TMEM196: variants seen among roughly 807,000 people sequenced by gnomAD.
TMEM196 encodes the protein transmembrane protein 196.
A neutral mutation model predicts 20.0 loss-of-function variants in TMEM196; 17 were observed. The ratio of observed to expected loss-of-function variants is 0.85; its 90% confidence interval spans 0.58 to 1.27. TMEM196 has a LOEUF of 1.27. Among genes scored for constraint, TMEM196 ranks in the 50% most tolerant of loss-of-function variants. TMEM196 has a pLI of 0.00. For synonymous variants in TMEM196, 113 were observed against 88.9 expected (o/e 1.27, Z -1.52); for missense variants, 267 against 223.0 (o/e 1.20, Z -1.26).
chr7:19,770,084 T>A (rs1785806529), intron 1 of TMEM196, among the ~76,000 whole-genome samples: 1 of 152,348 alleles, frequency 6.6e-6, no homozygotes, highest in South Asian at 2.1e-4. Flanking sequence ...TAGTTAACAC[T>A]GCAGTACATT....
intron 1 of TMEM196, among the ~76,000 whole-genome samples, chr7:19,745,325 G>C (rs185157984): frequency 2.0e-5 from 3 of 152,098 alleles, no homozygotes; most frequent in Non-Finnish European, 1.5e-5. Flanking sequence ...ACTATTCTTG[G>C]TTTCACATTA....
At chr7:19,766,437 T>C (rs2128039960) in intron 1 of TMEM196, among the ~76,000 whole-genome samples, 1 of 152,060 alleles carries the variant, frequency 6.6e-6, no homozygotes. Context: ...AAGACAAATT[T>C]AAATATTTAG....
chr7:19,757,389 C>T (rs1785264546), intron 1 of TMEM196, among the ~76,000 whole-genome samples: 1 of 139,594 alleles, frequency 7.2e-6, no homozygotes, highest in African/African-American at 2.8e-5. Context: ...GGGGTTTCAC[C>T]AGTTGAGATG....
intron 1 of TMEM196, among the ~76,000 whole-genome samples, chr7:19,758,136 C>T (rs529490408): frequency 5.9e-5 from 9 of 152,136 alleles, no homozygotes; most frequent in African/African-American, 1.7e-4. Context: ...GATAAATGAG[C>T]TTTGGACTCT....
intron 4 of TMEM196, among the ~76,000 whole-genome samples, chr7:19,723,779 A>T (rs1233089881): frequency 1.3e-5 from 2 of 152,200 alleles, no homozygotes; most frequent in Non-Finnish European, 2.9e-5. Flanking sequence ...TAGCAATTTG[A>T]AACGTGGGAA....
rs973705652 is a variant in TMEM196, at chr7:19,723,440, C to T, written c.533+840G>A. 9.2e-5 allele frequency among the ~76,000 whole-genome samples: 14 copies of T among 152,118 alleles called. No individual in the cohort carries two copies. The Middle Eastern group carries it at 0.01, about 111-fold the overall frequency. ...TAAAAAGTGAATCTGTTATATTAAC[C>T]TTTTATTGCAGAATTTAGTAAAACA... On this transcript the variant is annotated intron_variant, in intron 4 of 4. Transcript: ENST00000405844.
At chr7:19,728,362 T>A (rs1242647761) in intron 2 of TMEM196, among the ~76,000 whole-genome samples, 1 of 152,174 alleles carries the variant, frequency 6.6e-6, no homozygotes, top group East Asian at 1.9e-4. Context: ...GAATCATAAA[T>A]GCAAGTTACA....
At position 19,725,698 on chromosome 7, in the gene TMEM196, G is replaced by A. The variant is rs757516721; in HGVS notation, c.275C>T (p.Ala92Val). The A allele has an allele frequency of 3.1e-6, 5 of 1,613,510 alleles. No individual in the cohort carries two copies. The East Asian group carries it at 6.7e-5, about 22-fold the overall frequency. Reference sequence around the variant, plus strand: ...TAGGGAGGAAGTTTTCTTTGTGACTGCCCGGAGGAACTGAAAATTCAGGAT... The same window carrying A: ...TAGGGAGGAAGTTTTCTTTGTGACTACCCGGAGGAACTGAAAATTCAGGAT... ...GGILNFQFLR[A>V]VTKKTSSLYP... The change falls in exon 3 of 5, where the codon GCA becomes GTA. Residue 92 changes from alanine to valine, a missense_variant. By Grantham distance (64) the Ala-to-Val change is moderately conservative. Coordinates refer to ENST00000405844, the MANE Select transcript of TMEM196 (RefSeq NM_001363562.2).
chr7:19,735,208 A>G (rs1031163269), intron 1 of TMEM196, among the ~76,000 whole-genome samples: 2 of 152,222 alleles, frequency 1.3e-5, no homozygotes, highest in Non-Finnish European at 2.9e-5. Flanking sequence ...TTTTAAAAAA[A>G]GATGCAATGA....
At chr7:19,756,034 TA>T (rs35652330) in intron 1 of TMEM196, among the ~76,000 whole-genome samples, 29,918 of 139,300 alleles carry the variant, frequency 0.21, 3,478 homozygotes, top group East Asian at 0.53. Context: ...AGACTCTATT[TA>T]AAAAAAAAAA....
intron 1 of TMEM196, among the ~76,000 whole-genome samples, chr7:19,756,135 G>A (rs1165082599): frequency 6.6e-6 from 1 of 151,150 alleles, no homozygotes; most frequent in Non-Finnish European, 1.5e-5. Context: ...GAAATCTAAT[G>A]TAAGCCACAA....
At chr7:19,770,331 T>C (rs1440550322) in intron 1 of TMEM196, among the ~76,000 whole-genome samples, 1 of 152,144 alleles carries the variant, frequency 6.6e-6, no homozygotes, top group East Asian at 1.9e-4. Flanking sequence ...TAGTAAATGG[T>C]AAAATGCCTT....
At chr7:19,722,230 A>G in intron 4 of TMEM196, 96 bp from the exon 5 acceptor site, 1 of 1,032,914 alleles carries the variant, frequency 9.7e-7, no homozygotes, top group Non-Finnish European at 1.5e-6. Context: ...CAATCCATTG[A>G]AAAACTTGCT....
chr7:19,764,766 A>T (rs1418299474), intron 1 of TMEM196, among the ~76,000 whole-genome samples: 1 of 152,144 alleles, frequency 6.6e-6, no homozygotes, highest in Non-Finnish European at 1.5e-5. Context: ...TAGATGCAAA[A>T]TTCTGGTAAC....
In TMEM196 at chr7:19,722,150, C is replaced by T. The variant is rs374458703; in HGVS notation, c.534-16G>A. ...CTGTTATTTCCTGTTAGAAAAATGA[C>T]ATGATTAATTAAAATTCGCTTTTGG... On this transcript the variant is annotated splice_polypyrimidine_tract_variant and intron_variant, in intron 4 of 4. Transcript: ENST00000405844. The T allele has an allele frequency of 1.2e-4, 198 of 1,600,154 alleles. No individual in the cohort carries two copies. Among genetic ancestry groups the T allele is most frequent in the Non-Finnish European group, 1.6e-4 (186 of 1,173,762 alleles).
chr7:19,769,575 G>A (rs1785777904), intron 1 of TMEM196, among the ~76,000 whole-genome samples: 1 of 151,974 alleles, frequency 6.6e-6, no homozygotes, highest in African/African-American at 2.4e-5. Flanking sequence ...CTCAGTATTA[G>A]CTGCTCATAT....
At chr7:19,728,387 C>A (rs979316028) in intron 2 of TMEM196, among the ~76,000 whole-genome samples, 4 of 152,052 alleles carry the variant, frequency 2.6e-5, no homozygotes, top group African/African-American at 9.7e-5. Context: ...TGAAAAAATA[C>A]ATTTTTTTCT....
chr7:19,761,840 C>T (rs191882702), intron 1 of TMEM196, among the ~76,000 whole-genome samples: 8 of 152,328 alleles, frequency 5.3e-5, no homozygotes, highest in Admixed American at 4.6e-4. Flanking sequence ...AAATTTCAAA[C>T]TGGCCCAGGA....
chr7:19,748,426 C>T (rs1034092185), intron 1 of TMEM196, among the ~76,000 whole-genome samples: 2 of 152,136 alleles, frequency 1.3e-5, no homozygotes, highest in African/African-American at 4.8e-5. Flanking sequence ...TGTCTCTATA[C>T]ACACAACCAG....
Sources: allele counts gnomAD v4.1 joint callset (sites outside exome capture counted in the v4.1 genomes callset), GRCh38; gene constraint gnomAD v4.1.1; transcripts MANE v1.5; gene names NCBI Gene and HGNC (gene_info 2026-07-23, HGNC 2026-07-21).